COX18: variants seen among roughly 807,000 people sequenced by gnomAD.
COX18 encodes the protein cytochrome c oxidase assembly factor COX18.
In COX18, 45 loss-of-function variants were observed where a neutral mutation model predicts 38.0. The ratio of observed to expected loss-of-function variants is 1.18; its 90% CI spans 0.93 to 1.52. COX18 has a LOEUF of 1.52. COX18 is among the 40% of genes most tolerant of loss of function. COX18 has a pLI of 0.00. For missense variants in COX18, 462 were observed against 423.8 expected (o/e 1.09, Z -0.79); for synonymous variants, 177 against 169.8 (o/e 1.04, Z -0.33).
chr4:73,067,209 A>G (rs1200222724), intron 2 of COX18, among the ~76,000 whole-genome samples: 3 of 152,164 alleles, frequency 2.0e-5, no homozygotes, highest in East Asian at 1.9e-4. Flanking sequence ...CTTGTTTTCT[A>G]CCTCCTCTTT....
rs1377330345 is a variant in COX18, at chr4:73,067,864, A to AATATATAT, written c.434+157_434+164dup. Among the ~76,000 whole-genome samples, 169 of 19,956 alleles carry AATATATAT rather than the reference A, an allele frequency of 8.5e-3. 3 individuals are homozygous for AATATATAT. Among genetic ancestry groups the AATATATAT allele is most frequent in the South Asian group, 0.039 (11 of 280 alleles). The allele number at this position is 19,956 out of a possible 152,430, so 13.1% of individuals were successfully genotyped here. ...CTCAAAAAAAAAAAAAAAAAAAAAA[A>AATATATAT]ATATATATATATATATATATAAAAA... On this transcript the variant is annotated intron_variant, in intron 2 of 5. Transcript: ENST00000507544.
chr4:73,065,397 T>G lies in COX18; in HGVS notation c.451A>C (p.Asn151His), dbSNP rs754049101. 3.1e-6 allele frequency: 5 copies of G among 1,612,610 alleles called. No homozygotes were observed. In the South Asian group the frequency reaches 5.5e-5, roughly 18 times the overall value. The change falls in exon 3 of 6, where the codon AAT (asparagine) becomes CAT (histidine). Residue 151 changes from asparagine to histidine, a missense_variant. Transcript: ENST00000507544. ...KRDARLTYLK[N>H]MRRLISELYV... The stretch of plus-strand genomic sequence containing the variant: ...AGCTCTGAAATTAGCCTCCTCATAT[T>G]CTTTAGATAAGTGAGCCTAGATTGA...
rs1187372620 is a variant in COX18 at position 73,055,765 on chromosome 4, T to A, written c.*2349A>T. Reference sequence around the variant, plus strand: ...TCAAAAGCACTTGTGCAAGTACTGGTTCTGGGGTTATGGATAGATTTGAGC... The same window carrying A: ...TCAAAAGCACTTGTGCAAGTACTGGATCTGGGGTTATGGATAGATTTGAGC... On this transcript the variant is annotated 3_prime_UTR_variant, in exon 6 of 6. Coordinates refer to ENST00000507544, the MANE Select transcript of COX18 (RefSeq NM_001297732.2). 1.3e-5 allele frequency: 2 copies of A among 152,200 alleles called. No individual in the cohort carries two copies. Among genetic ancestry groups the A allele is most frequent in the African/African-American group, 4.8e-5 (2 of 41,456 alleles). 9.4% of individuals were successfully genotyped at this position (152,200 alleles called of 1,614,324 possible). A position where few individuals can be genotyped will look rare whatever the true frequency, so the allele number is the denominator to read the frequency against.
rs1417234744 is a variant in COX18 at position 73,056,581 on chromosome 4, G to A, written c.*1533C>T. 6.6e-6 allele frequency: 1 copy of A among 152,048 alleles called. No homozygotes were observed. Among genetic ancestry groups the A allele is most frequent in the East Asian group, 1.9e-4 (1 of 5,182 alleles). The allele number at this position is 152,048 out of a possible 1,614,324, so 9.4% of individuals were successfully genotyped here. A position where few individuals can be genotyped will look rare whatever the true frequency, so the allele number is the denominator to read the frequency against. On this transcript the variant is annotated 3_prime_UTR_variant, in exon 6 of 6. Coordinates refer to ENST00000507544, the MANE Select transcript of COX18 (RefSeq NM_001297732.2). ...TACCATGTTAGGGACTTGTATGCATGGACTACTTTACTGCATATATTTCAA... is the reference window on the plus strand; with the variant it reads ...TACCATGTTAGGGACTTGTATGCATAGACTACTTTACTGCATATATTTCAA...
intron 2 of COX18, among the ~76,000 whole-genome samples, chr4:73,066,146 G>C (rs773329125): frequency 6.6e-6 from 1 of 152,166 alleles, no homozygotes; most frequent in Non-Finnish European, 1.5e-5. Context: ...TGTATAATAA[G>C]ACAGTACACA....
Position 73,052,778 on chromosome 4 carries a change from T to G in COX18, c.*5336A>C, listed in dbSNP as rs1430878754. 6.6e-6 allele frequency: 1 copy of G among 152,196 alleles called. No individual in the cohort carries two copies. Among genetic ancestry groups the G allele is most frequent in the African/African-American group, 2.4e-5 (1 of 41,434 alleles). 9.4% of individuals were successfully genotyped at this position (152,196 alleles called of 1,614,324 possible). ...ATCTAAATTCTTGCATGGTTTCAGA[T>G]GTTATGCCTGAAATTCCAAAGTCTG... is the stretch of plus-strand genomic sequence containing the variant. On this transcript the variant is annotated 3_prime_UTR_variant, in exon 6 of 6. Coordinates refer to ENST00000507544, the MANE Select transcript of COX18 (RefSeq NM_001297732.2).
intron 3 of COX18, 84 bp from the exon 4 acceptor site, chr4:73,064,986 A>G (rs1279749826): frequency 3.0e-6 from 4 of 1,345,364 alleles, no homozygotes; most frequent in Admixed American, 2.0e-5. Context: ...TAGTCTGACA[A>G]TTCCAATAAG....
intron 2 of COX18, among the ~76,000 whole-genome samples, chr4:73,067,691 T>C (rs1364638806): frequency 6.7e-6 from 1 of 149,994 alleles, no homozygotes; most frequent in Admixed American, 6.7e-5. Context: ...AAATACAAAA[T>C]TAGCCAGGCA....
chr4:73,055,546 C>T lies in COX18; in HGVS notation c.*2568G>A, dbSNP rs1719855742. 1 of 152,216 alleles carries T rather than the reference C, an allele frequency of 6.6e-6. No individual in the cohort carries two copies. The highest frequency in any genetic ancestry group is 2.4e-5 in the African/African-American group (1 of 41,444). 9.4% of individuals were successfully genotyped at this position (152,216 alleles called of 1,614,324 possible). A position where few individuals can be genotyped will look rare whatever the true frequency, so the allele number is the denominator to read the frequency against. On this transcript the variant is annotated 3_prime_UTR_variant, in exon 6 of 6. Coordinates refer to ENST00000507544, the MANE Select transcript of COX18 (RefSeq NM_001297732.2). ...TCCTGAGCTTAGGAACATCAGAAAG[C>T]ACTCCAGCAGGGCATTTGGAGGCCA...
intron 1 of COX18, 62 bp downstream of exon 1, chr4:73,069,255 T>G: frequency 1.6e-6 from 2 of 1,254,676 alleles, no homozygotes; most frequent in Non-Finnish European, 2.2e-6. Context: ...TGAGTGAATG[T>G]CGGCCTTCCT....
Position 73,065,348 on chromosome 4 carries a change from G to A in COX18, c.500C>T (p.Pro167Leu). ...SELYVRDNCH[P>L]FKATVLVWIQ... ...CCAAACCAACACAGTGGCTTTGAAA[G>A]GGTGGCAGTTATCTCGCACATATAG... is the stretch of plus-strand genomic sequence containing the variant. The change falls in exon 3 of 6, where the codon CCT becomes CTT. Residue 167 changes from proline to leucine, a missense_variant. By Grantham distance (98) the Pro-to-Leu change is moderately conservative. Transcript: ENST00000507544. 1 of 1,613,804 alleles carries A rather than the reference G, an allele frequency of 6.2e-7. No homozygotes were observed. Among genetic ancestry groups the A allele is most frequent in the South Asian group, 1.1e-5 (1 of 91,078 alleles).
Position 73,058,248 on chromosome 4 carries a change from G to C in COX18, c.871C>G (p.Leu291Val). 10 of 1,613,796 alleles carry C rather than the reference G, an allele frequency of 6.2e-6. No individual in the cohort carries two copies. Among genetic ancestry groups the C allele is most frequent in the Non-Finnish European group, 7.6e-6 (9 of 1,179,900 alleles). The stretch of plus-strand genomic sequence containing the variant: ...GAACGCAGCAGCAAATTCTGTGAAA[G>C]GCCCACGAAGCTGGAGCATAACCAG... ...LYWLCSSFVG[L>V]SQNLLLRSPG... The change falls in exon 6 of 6, where the codon CTT becomes GTT. Residue 291 changes from leucine to valine, a missense_variant. Coordinates refer to ENST00000507544, the MANE Select transcript of COX18 (RefSeq NM_001297732.2).
intron 4 of COX18, 87 bp from the exon 5 acceptor site, chr4:73,062,007 CTGG>C: frequency 2.1e-5 from 12 of 579,098 alleles, no homozygotes; most frequent in Non-Finnish European, 3.3e-5. Context: ...TGATTTTTCA[CTGG>C]CCTCCATCTA....
rs988399915 is a variant in COX18, at chr4:73,056,347, T to C, written c.*1767A>G. The stretch of plus-strand genomic sequence containing the variant: ...TAAGCCTATTAGGGTACTTAATCCT[T>C]ACAAATAAACAGGTTTAAAATCACC... On this transcript the variant is annotated 3_prime_UTR_variant, in exon 6 of 6. Coordinates refer to ENST00000507544, the MANE Select transcript of COX18 (RefSeq NM_001297732.2). The C allele has an allele frequency of 6.6e-6, 1 of 152,222 alleles. No homozygotes were observed. The highest frequency in any genetic ancestry group is 2.4e-5 in the African/African-American group (1 of 41,456). 9.4% of individuals were successfully genotyped at this position (152,222 alleles called of 1,614,324 possible). A position where few individuals can be genotyped will look rare whatever the true frequency, so the allele number is the denominator to read the frequency against.
intron 1 of COX18, 54 bp from the exon 2 acceptor site, chr4:73,068,183 G>T: frequency 2.7e-6 from 3 of 1,108,780 alleles, no homozygotes; most frequent in South Asian, 2.9e-5. Context: ...TATTCATAAT[G>T]ACTCATAATC....
intron 5 of COX18, among the ~76,000 whole-genome samples, chr4:73,061,114 T>C (rs376502108): frequency 8.5e-5 from 13 of 152,296 alleles, no homozygotes; most frequent in African/African-American, 2.9e-4. Context: ...ATTAGGTATA[T>C]ACAGGGACAA....
Position 73,061,940 on chromosome 4 carries a change from ACAT to A in COX18, c.724-23_724-21del. 1.6e-6 allele frequency: 2 copies of A among 1,240,674 alleles called. No homozygotes were observed. Among genetic ancestry groups the A allele is most frequent in the South Asian group, 2.5e-5 (2 of 81,266 alleles). 76.9% of individuals were successfully genotyped at this position (1,240,674 alleles called of 1,614,324 possible). Reference sequence around the variant, plus strand: ...ACAAATCTGAAGGGGTAGAACATATACATGCATAATGATTATTAAAACGCATAT... The same window carrying A: ...ACAAATCTGAAGGGGTAGAACATATAGCATAATGATTATTAAAACGCATAT... On this transcript the variant is annotated intron_variant, in intron 4 of 5. Transcript: ENST00000507544.
In COX18 at chr4:73,064,891, C is replaced by G; in HGVS notation, c.610G>C (p.Val204Leu). ...CCACCAGTAGCTAACTGTTCCTGAA[C>G]AGAAAAACCTGCTAAAACAGTTTTA... ...GAAHSEAGFSVQEQLATGGIL... is the reference protein window; with the variant it reads ...GAAHSEAGFSLQEQLATGGIL... The change falls in exon 4 of 6, where the codon GTT becomes CTT. Residue 204 changes from valine to leucine, a missense_variant. Physicochemically the swap from Val to Leu is conservative, Grantham distance 32. Coordinates refer to ENST00000507544, the MANE Select transcript of COX18 (RefSeq NM_001297732.2). The G allele has an allele frequency of 1.2e-6, 2 of 1,613,568 alleles. No individual in the cohort carries two copies. Among genetic ancestry groups the G allele is most frequent in the South Asian group, 1.1e-5 (1 of 91,026 alleles).
rs755053062 is a variant in COX18, at chr4:73,058,122, TTGAAA to T, written c.992_996del (p.Ile331LysfsTer23). On this transcript the variant is annotated frameshift_variant, in exon 6 of 6. Coordinates refer to ENST00000507544, the MANE Select transcript of COX18 (RefSeq NM_001297732.2). LOFTEE classifies it high-confidence loss of function. Reference sequence around the variant, plus strand: ...AATTATTGGAAAATATGTCATTTTCTTGAAATGAACTTGGTATTAAAGGCAGCAAA... The same window carrying T: ...AATTATTGGAAAATATGTCATTTTCTTGAACTTGGTATTAAAGGCAGCAAA... 7.0e-6 allele frequency: 11 copies of T among 1,577,822 alleles called. No homozygotes were observed. The South Asian group carries it at 1.0e-4, about 15-fold the overall frequency.
Sources: gnomAD v4.1 joint callset for allele counts (sites outside exome capture counted in the v4.1 genomes callset) on GRCh38, gnomAD v4.1.1 for gene constraint, MANE v1.5 for transcripts, NCBI Gene and HGNC (gene_info 2026-07-23, HGNC 2026-07-21) for gene names.